KHDRBS2: variants seen among roughly 807,000 people sequenced by gnomAD.
KHDRBS2 encodes the protein KH domain-containing, RNA-binding, signal transduction-associated protein 2.
KHDRBS2 carries 26 observed loss-of-function variants against 44.3 expected under a neutral mutation model. The ratio of observed to expected loss-of-function variants is 0.59; its 90% CI spans 0.43 to 0.81. The LOEUF (loss-of-function observed/expected upper bound fraction) is 0.81, where lower values mean the gene tolerates loss of function less well. Among genes scored for constraint, KHDRBS2 ranks in the 40% least tolerant of loss-of-function variants. The pLI is 0.00. For synonymous variants in KHDRBS2, 194 were observed against 151.1 expected (o/e 1.28, Z -2.08); for missense variants, 476 against 433.1 (o/e 1.10, Z -0.88).
At chr6:61,767,149 T>C (rs535296103) in intron 6 of KHDRBS2, among the ~76,000 whole-genome samples, 13 of 152,254 alleles carry the variant, frequency 8.5e-5, no homozygotes, top group Non-Finnish European at 1.5e-4. Context: ...GTTGGGTACA[T>C]ATATATTTAT....
At chr6:61,996,230 C>T (rs62416702) in intron 3 of KHDRBS2, among the ~76,000 whole-genome samples, 7,596 of 152,114 alleles carry the variant, frequency 0.05, 276 homozygotes, top group Non-Finnish European at 0.075. Context: ...GAGCATCACA[C>T]AGAGTTTCAA....
intron 2 of KHDRBS2, among the ~76,000 whole-genome samples, chr6:62,053,386 T>A (rs1158100534): frequency 6.6e-6 from 1 of 151,948 alleles, no homozygotes; most frequent in Non-Finnish European, 1.5e-5. Flanking sequence ...AAAACCCACT[T>A]GGCAAAATAG....
the KHDRBS2 span, among the ~76,000 whole-genome samples, chr6:61,598,549 G>T: frequency 6.6e-6 from 1 of 152,152 alleles, no homozygotes; most frequent in Non-Finnish European, 1.5e-5. Flanking sequence ...TAAGACAGGA[G>T]ATCAAAAACT....
At chr6:61,872,324 A>G (rs1006430810) in intron 6 of KHDRBS2, among the ~76,000 whole-genome samples, 4 of 152,142 alleles carry the variant, frequency 2.6e-5, no homozygotes, top group African/African-American at 9.7e-5. Flanking sequence ...TGTGAATCCA[A>G]ATTTGTAAGC....
chr6:62,103,818 C>T (rs946289918), intron 2 of KHDRBS2, among the ~76,000 whole-genome samples: 2 of 151,988 alleles, frequency 1.3e-5, no homozygotes, highest in African/African-American at 4.8e-5. Context: ...AAGACTGATA[C>T]CAGTAGTGAA....
chr6:61,696,771 A>G (rs186253390), intron 8 of KHDRBS2, among the ~76,000 whole-genome samples: 110 of 152,240 alleles, frequency 7.2e-4, no homozygotes, highest in Middle Eastern at 3.4e-3. Flanking sequence ...TTGGCTATGC[A>G]TGCTAGAAAA....
At chr6:61,812,880 C>T (rs758194025) in intron 6 of KHDRBS2, among the ~76,000 whole-genome samples, 15 of 152,028 alleles carry the variant, frequency 9.9e-5, no homozygotes, top group Admixed American at 2.0e-4. Context: ...ACCTTGGCCT[C>T]GGCGTATTTT....
chr6:61,655,558 A>G, the KHDRBS2 span, among the ~76,000 whole-genome samples: 1 of 152,164 alleles, frequency 6.6e-6, no homozygotes, highest in South Asian at 2.1e-4. Flanking sequence ...CTTTGCCTAA[A>G]TACGTATTTT....
intron 2 of KHDRBS2, among the ~76,000 whole-genome samples, chr6:62,075,314 G>C (rs1280452258): frequency 6.6e-6 from 1 of 151,864 alleles, no homozygotes; most frequent in Non-Finnish European, 1.5e-5. Context: ...GAAAGAAAAT[G>C]CCATTTATGA....
chr6:62,239,990 C>CT (rs370821037), intron 1 of KHDRBS2, among the ~76,000 whole-genome samples: 2,303 of 151,532 alleles, frequency 0.015, 40 homozygotes, highest in South Asian at 0.09. Context: ...AGGCCTTAAA[C>CT]TTTTTTTTTA....
chr6:62,105,909 G>T lies in KHDRBS2; in HGVS notation c.220-57915C>A, dbSNP rs568231537. 2.0e-5 allele frequency among the ~76,000 whole-genome samples: 3 copies of T among 152,148 alleles called. No homozygotes were observed. In the South Asian group the frequency reaches 6.2e-4, roughly 32 times the overall value. On this transcript the variant is annotated intron_variant, in intron 2 of 8. Transcript: ENST00000281156. ...GGATCTTTCCTGCTTTCTCTTGTGG[G>T]CATTTAGTGCTATAAATTTCCCTCT...
At chr6:61,946,007 G>A (rs1214246006) in intron 4 of KHDRBS2, among the ~76,000 whole-genome samples, 1 of 152,156 alleles carries the variant, frequency 6.6e-6, no homozygotes, top group Non-Finnish European at 1.5e-5. Context: ...CTCAAACTCA[G>A]AGAAAGAGAT....
At chr6:61,984,777 T>C (rs1450099470) in intron 3 of KHDRBS2, among the ~76,000 whole-genome samples, 1 of 152,232 alleles carries the variant, frequency 6.6e-6, no homozygotes, top group Non-Finnish European at 1.5e-5. Context: ...TATTGTCTGT[T>C]AACTTGCAAG....
At chr6:62,052,855 C>T (rs1562732607) in intron 2 of KHDRBS2, among the ~76,000 whole-genome samples, 1 of 151,930 alleles carries the variant, frequency 6.6e-6, no homozygotes, top group Non-Finnish European at 1.5e-5. Flanking sequence ...GCTATGCGGC[C>T]TGGTTCCTAA....
chr6:62,254,023 C>A (rs1413748328), intron 1 of KHDRBS2, among the ~76,000 whole-genome samples: 1 of 151,980 alleles, frequency 6.6e-6, no homozygotes, highest in Non-Finnish European at 1.5e-5. Context: ...GACTGATCCA[C>A]AACATCACTG....
At chr6:62,230,935 A>C (rs1000457123) in intron 1 of KHDRBS2, among the ~76,000 whole-genome samples, 7 of 152,220 alleles carry the variant, frequency 4.6e-5, no homozygotes, top group African/African-American at 1.7e-4. Context: ...AATTTAAAAA[A>C]ATATTATAAC....
intron 2 of KHDRBS2, among the ~76,000 whole-genome samples, chr6:62,165,647 A>C (rs746740462): frequency 3.3e-5 from 5 of 151,830 alleles, no homozygotes; most frequent in Non-Finnish European, 7.4e-5. Context: ...AATATTTCTT[A>C]TTATTGTAAA....
At chr6:62,228,131 C>T (rs532901619) in intron 1 of KHDRBS2, among the ~76,000 whole-genome samples, 4 of 152,190 alleles carry the variant, frequency 2.6e-5, no homozygotes, top group South Asian at 2.1e-4. Context: ...TGGTAGAATT[C>T]AGCTGTGTAT....
intron 2 of KHDRBS2, among the ~76,000 whole-genome samples, chr6:62,105,518 G>T (rs1802997331): frequency 6.6e-6 from 1 of 152,142 alleles, no homozygotes; most frequent in Admixed American, 6.5e-5. Context: ...GGGTGTATGT[G>T]TCGAGGAATT....
Sources: allele counts gnomAD v4.1 joint callset (sites outside exome capture counted in the v4.1 genomes callset), GRCh38; gene constraint gnomAD v4.1.1; transcripts MANE v1.5; gene names NCBI Gene and HGNC (gene_info 2026-07-23, HGNC 2026-07-21).